Variants in FARS2 observed in about 807,000 individuals in gnomAD.
The protein encoded by FARS2 is phenylalanyl-tRNA synthetase 2, mitochondrial, also known as phenylalanine--tRNA ligase, mitochondrial.
A neutral mutation model predicts 46.4 loss-of-function variants in FARS2; 40 were observed. The ratio of observed to expected loss-of-function variants is 0.86; its 90% CI spans 0.67 to 1.12. The LOEUF (loss-of-function observed/expected upper bound fraction) is 1.12. Ranked by LOEUF, FARS2 falls within the 50% of genes most tolerant of loss-of-function variation. The probability of loss-of-function intolerance (pLI) is 0.00; values close to 1 mark genes in which losing one functional copy is unlikely to be tolerated. For synonymous variants in FARS2, 234 were observed against 214.9 expected, an observed-to-expected ratio of 1.09 and a Z score of -0.78; for missense variants, 513 against 567.9, an observed-to-expected ratio of 0.90 and a Z score of 0.98.
chr6:5,769,935 G>A (rs1317757903), intron 6 of FARS2, among the ~76,000 whole-genome samples: 1 of 152,236 alleles, frequency 6.6e-6, no homozygotes, highest in African/African-American at 2.4e-5. Context: ...CAGGGTGGGA[G>A]AGAGGGGAGG....
At chr6:5,516,911 T>C (rs1403999839) in intron 4 of FARS2, among the ~76,000 whole-genome samples, 2 of 152,218 alleles carry the variant, frequency 1.3e-5, no homozygotes, top group East Asian at 1.9e-4. Context: ...TCCACTGCTA[T>C]GTATAAGCAT....
intron 1 of FARS2, among the ~76,000 whole-genome samples, chr6:5,357,766 T>C (rs1561981972): frequency 2.6e-5 from 4 of 152,246 alleles, no homozygotes; most frequent in Admixed American, 1.3e-4. Flanking sequence ...CAGGTGAACC[T>C]GGTTTGAATC....
chr6:5,375,772 A>G (rs1759339067), intron 2 of FARS2, among the ~76,000 whole-genome samples: 1 of 152,124 alleles, frequency 6.6e-6, no homozygotes, highest in Non-Finnish European at 1.5e-5. Flanking sequence ...AGTTATCTCT[A>G]TAGGAAAACA....
chr6:5,717,439 T>A (rs1403538526), intron 6 of FARS2, among the ~76,000 whole-genome samples: 1 of 151,970 alleles, frequency 6.6e-6, no homozygotes, highest in Non-Finnish European at 1.5e-5. Flanking sequence ...CTGTTGTTTT[T>A]GAAGAAACTG....
chr6:5,436,130 T>C (rs1763509021), intron 4 of FARS2, among the ~76,000 whole-genome samples: 1 of 152,120 alleles, frequency 6.6e-6, no homozygotes. Context: ...GCACAATGTG[T>C]GGGGAAGAGA....
chr6:5,396,442 A>G (rs143322320), intron 2 of FARS2, among the ~76,000 whole-genome samples: 40 of 152,318 alleles, frequency 2.6e-4, no homozygotes, highest in Non-Finnish European at 4.1e-4. Context: ...CGGAGTAATA[A>G]TACTGTTTTG....
chr6:5,612,922 G>A lies in FARS2; in HGVS notation c.1066-247G>A, dbSNP rs78830488. On this transcript the variant is annotated intron_variant, in intron 5 of 6. Transcript: ENST00000274680. ...CTTTGTACTAAGTTGAACGTTAATG[G>A]CAATATAAATATAATATATGGTAAT... Among the ~76,000 whole-genome samples, 7,797 of 152,086 alleles carry A rather than the reference G, an allele frequency of 0.051. 282 individuals carry two copies. Among genetic ancestry groups the A allele is most frequent in the Non-Finnish European group, 0.075 (5,099 of 67,966 alleles).
At chr6:5,572,848 G>A (rs1403087124) in intron 5 of FARS2, among the ~76,000 whole-genome samples, 1 of 152,084 alleles carries the variant, frequency 6.6e-6, no homozygotes, top group African/African-American at 2.4e-5. Context: ...CAACGCTATA[G>A]TAATAACCAA....
chr6:5,770,693 T>TC (rs1273424522), intron 6 of FARS2, among the ~76,000 whole-genome samples: 1 of 152,178 alleles, frequency 6.6e-6, no homozygotes, highest in African/African-American at 2.4e-5. Context: ...ACTCAGCTGT[T>TC]CTATGCAAGC....
chr6:5,324,294 G>C (rs1770197322), intron 1 of FARS2, among the ~76,000 whole-genome samples: 1 of 152,146 alleles, frequency 6.6e-6, no homozygotes, highest in African/African-American at 2.4e-5. Context: ...TCACCTGCTT[G>C]AAACTGGTTG....
At chr6:5,456,079 A>G (rs175362) in intron 4 of FARS2, among the ~76,000 whole-genome samples, 110,499 of 151,966 alleles carry the variant, frequency 0.73, 40,475 homozygotes, top group East Asian at 0.92. Flanking sequence ...AGCCAGGCAC[A>G]TTAGCGTGCA....
chr6:5,405,972 T>C (rs1356276460), intron 3 of FARS2, among the ~76,000 whole-genome samples: 1 of 152,228 alleles, frequency 6.6e-6, no homozygotes, highest in African/African-American at 2.4e-5. Context: ...ACTTAGTCAC[T>C]TGCCTTTATT....
chr6:5,379,764 C>A (rs1759633439), intron 2 of FARS2, among the ~76,000 whole-genome samples: 1 of 152,222 alleles, frequency 6.6e-6, no homozygotes, highest in South Asian at 2.1e-4. Context: ...AGCTGTGTTG[C>A]CACCTGCACT....
At chr6:5,587,131 A>T (rs1773658921) in intron 5 of FARS2, among the ~76,000 whole-genome samples, 1 of 152,234 alleles carries the variant, frequency 6.6e-6, no homozygotes, top group Non-Finnish European at 1.5e-5. Flanking sequence ...GACCTTTGTC[A>T]ATTCATTTAA....
At chr6:5,276,183 T>C (rs1366874937) in intron 1 of FARS2, among the ~76,000 whole-genome samples, 2 of 152,218 alleles carry the variant, frequency 1.3e-5, no homozygotes, top group South Asian at 2.1e-4. Flanking sequence ...CATGCTGTAA[T>C]TCTAGATTGT....
chr6:5,284,925 A>T (rs1247803223), intron 1 of FARS2, among the ~76,000 whole-genome samples: 1 of 152,094 alleles, frequency 6.6e-6, no homozygotes, highest in Non-Finnish European at 1.5e-5. Flanking sequence ...GCCTGCCATC[A>T]CCTGGAACTC....
chr6:5,446,297 A>G (rs1010525416), intron 4 of FARS2, among the ~76,000 whole-genome samples: 1 of 152,102 alleles, frequency 6.6e-6, no homozygotes, highest in African/African-American at 2.4e-5. Context: ...CAGAACATCC[A>G]TTTATCATTT....
intron 4 of FARS2, among the ~76,000 whole-genome samples, chr6:5,528,314 A>G (rs1769600948): frequency 6.6e-6 from 1 of 152,052 alleles, no homozygotes; most frequent in South Asian, 2.1e-4. Context: ...ACAGGTACAT[A>G]TATGTCATTG....
intron 4 of FARS2, among the ~76,000 whole-genome samples, chr6:5,523,844 G>T (rs1769298455): frequency 6.6e-6 from 1 of 152,200 alleles, no homozygotes; most frequent in African/African-American, 2.4e-5. Flanking sequence ...TCAAATCCAA[G>T]GAGACACATG....
Sources: allele counts gnomAD v4.1 joint callset (sites outside exome capture counted in the v4.1 genomes callset), GRCh38; gene constraint gnomAD v4.1.1; transcripts MANE v1.5; gene names NCBI Gene and HGNC (gene_info 2026-07-23, HGNC 2026-07-21).